ERI3: variants seen among roughly 807,000 people sequenced by gnomAD.
ERI3 encodes ERI1 exoribonuclease family member 3, also known as ERI1 exoribonuclease 3.
ERI3 carries 18 observed loss-of-function variants against 44.4 expected under a neutral mutation model. The ratio of observed to expected loss-of-function variants is 0.41; its 90% CI spans 0.28 to 0.60. ERI3 has a LOEUF of 0.60. Among genes scored for constraint, ERI3 ranks in the 20% least tolerant of loss-of-function variants. ERI3 has a pLI of 0.36. For synonymous variants in ERI3, 183 were observed against 164.8 expected (o/e 1.11, Z -0.84); for missense variants, 294 against 435.5 (o/e 0.68, Z 2.89).
At chr1:44,300,076 G>A (rs1645691807) in intron 6 of ERI3, among the ~76,000 whole-genome samples, 2 of 152,240 alleles carry the variant, frequency 1.3e-5, no homozygotes, top group South Asian at 2.1e-4. Flanking sequence ...ATGGTCAAGG[G>A]GAGAGCCTCA....
At chr1:44,309,324 A>G (rs1398763000) in intron 5 of ERI3, among the ~76,000 whole-genome samples, 1 of 151,708 alleles carries the variant, frequency 6.6e-6, no homozygotes, top group African/African-American at 2.4e-5. Context: ...GAAAAACCCT[A>G]TCCATACTAA....
rs181538887 is a variant in ERI3 at position 44,241,269 on chromosome 1, G to C, written c.931+6670C>G. ...GAGTGAAGGTGGGGAGAGGGGATAA[G>C]GAGGAAAATAAACTGAAATGAAGTC... On this transcript the variant is annotated intron_variant, in intron 8 of 8. Transcript: ENST00000372257. The surrounding 1 kb of genome is among the most constrained non-coding windows in gnomAD (Gnocchi z 5.6). Among the ~76,000 whole-genome samples, 44 of 152,256 alleles carry C rather than the reference G, an allele frequency of 2.9e-4. No individual in the cohort carries two copies. The highest frequency in any genetic ancestry group is 1.0e-3 in the African/African-American group (42 of 41,542).
At chr1:44,329,218 C>T (rs112864325) in intron 3 of ERI3, among the ~76,000 whole-genome samples, 31 of 152,300 alleles carry the variant, frequency 2.0e-4, no homozygotes, top group African/African-American at 7.2e-4. Context: ...TATCTAACTG[C>T]CTCTGGTCCT....
At chr1:44,336,680 C>T (rs1387512839) in intron 3 of ERI3, among the ~76,000 whole-genome samples, 1 of 152,246 alleles carries the variant, frequency 6.6e-6, no homozygotes, top group African/African-American at 2.4e-5. Flanking sequence ...TCTCTGGAAT[C>T]ACAGTAAACT....
intron 6 of ERI3, among the ~76,000 whole-genome samples, chr1:44,285,706 T>C (rs1275858896): frequency 1.3e-5 from 2 of 152,188 alleles, no homozygotes; most frequent in African/African-American, 4.8e-5. Context: ...AAGTAAGATG[T>C]AACTCTTGAC....
At chr1:44,315,220 C>T (rs1039332425) in intron 4 of ERI3, among the ~76,000 whole-genome samples, 1 of 152,200 alleles carries the variant, frequency 6.6e-6, no homozygotes, top group Non-Finnish European at 1.5e-5. Context: ...GTTAGGTCCA[C>T]TCCTTCTCTT....
chr1:44,246,550 T>A (rs1644558372), intron 8 of ERI3, among the ~76,000 whole-genome samples: 1 of 152,168 alleles, frequency 6.6e-6, no homozygotes, highest in Non-Finnish European at 1.5e-5. Context: ...CCTTCAGATG[T>A]CCCAACAAGA....
chr1:44,279,956 G>C (rs1337725294), intron 7 of ERI3, among the ~76,000 whole-genome samples: 3 of 152,024 alleles, frequency 2.0e-5, no homozygotes, highest in Non-Finnish European at 4.4e-5. Context: ...ACTGAACAGG[G>C]CTGGGTAGGA....
chr1:44,280,956 G>C (rs1408277981), intron 7 of ERI3, among the ~76,000 whole-genome samples: 1 of 152,140 alleles, frequency 6.6e-6, no homozygotes, highest in East Asian at 1.9e-4. Flanking sequence ...AGAGCGATGG[G>C]GGTAGAGCAG....
chr1:44,319,163 C>T (rs58064274), intron 4 of ERI3, among the ~76,000 whole-genome samples: 4 of 152,352 alleles, frequency 2.6e-5, no homozygotes, highest in Admixed American at 1.3e-4. Context: ...TCTCTTCCCT[C>T]GGTGACAGAA....
chr1:44,293,251 G>T lies in ERI3; in HGVS notation c.759-8344C>A, dbSNP rs368272255. ...CCCCGCTGTCCTCTCAAACAGGGAG[G>T]AGAGTGCAAGCATGATGCTGGAGGG... On this transcript the variant is annotated intron_variant, in intron 6 of 8. Transcript: ENST00000372257. 1.7e-4 allele frequency among the ~76,000 whole-genome samples: 26 copies of T among 152,388 alleles called. No individual in the cohort carries two copies. The East Asian group carries it at 3.9e-3, about 23-fold the overall frequency.
rs531003077 is a variant in ERI3 at position 44,304,222 on chromosome 1, G to A, written c.758+4088C>T. On this transcript the variant is annotated intron_variant, in intron 6 of 8. Coordinates refer to ENST00000372257, the MANE Select transcript of ERI3 (RefSeq NM_024066.3). ...AGATGAGCCCGATTTCTTTTCTCCAGTTGGAGAAAAAGATTAGAAGACATC... is the reference window on the plus strand; with the variant it reads ...AGATGAGCCCGATTTCTTTTCTCCAATTGGAGAAAAAGATTAGAAGACATC... 3.5e-4 allele frequency among the ~76,000 whole-genome samples: 53 copies of A among 152,230 alleles called. 1 individual carries two copies. In the South Asian group the frequency reaches 0.011, roughly 30 times the overall value.
chr1:44,253,109 G>A (rs1042973032), intron 7 of ERI3, among the ~76,000 whole-genome samples: 2 of 152,200 alleles, frequency 1.3e-5, no homozygotes, highest in African/African-American at 4.8e-5. Flanking sequence ...AAGTCTGGCA[G>A]ACACAAATAC....
intron 2 of ERI3, among the ~76,000 whole-genome samples, chr1:44,339,703 T>C (rs1646612027): frequency 6.6e-6 from 1 of 152,186 alleles, no homozygotes; most frequent in South Asian, 2.1e-4. Flanking sequence ...GGGTCCAAAG[T>C]AACGTGAGGT....
Position 44,349,314 on chromosome 1 carries a change from G to A in ERI3, c.211+3536C>T, listed in dbSNP as rs141819470. On this transcript the variant is annotated intron_variant, in intron 2 of 8. Coordinates refer to ENST00000372257, the MANE Select transcript of ERI3 (RefSeq NM_024066.3). ...ACTACAGGTGTGTGCCACCATGCCT[G>A]GCTAATTTTTTGTATTTTTGTAGAG... is the stretch of plus-strand genomic sequence containing the variant. Among the ~76,000 whole-genome samples, 935 of 152,184 alleles carry A rather than the reference G, an allele frequency of 6.1e-3. 6 individuals are homozygous for A. Among genetic ancestry groups the A allele is most frequent in the African/African-American group, 0.021 (862 of 41,502 alleles).
intron 7 of ERI3, among the ~76,000 whole-genome samples, chr1:44,267,219 A>G (rs1274140032): frequency 6.6e-6 from 1 of 152,196 alleles, no homozygotes; most frequent in Non-Finnish European, 1.5e-5. Flanking sequence ...TGGAAACATA[A>G]GCTACAAGAC....
chr1:44,323,017 C>T (rs1384874443), intron 3 of ERI3: 3 of 1,132,384 alleles, frequency 2.6e-6, no homozygotes, highest in African/African-American at 3.2e-5. Flanking sequence ...TTATTCCTGA[C>T]CCTGACCTTT....
chr1:44,241,043 T>A lies in ERI3; in HGVS notation c.931+6896A>T, dbSNP rs1644422265. 6.6e-6 allele frequency among the ~76,000 whole-genome samples: 1 copy of A among 152,106 alleles called. No individual in the cohort carries two copies. On this transcript the variant is annotated intron_variant, in intron 8 of 8. Transcript: ENST00000372257. This position sits in a 1 kb window ranked among gnomAD's most constrained non-coding sequence, Gnocchi z 5.6. ...AGTGTGGATTGTCCCATGAGTACTG[T>A]GGGCCTGAAAGGAGGGGCTGCTGTG...
At chr1:44,253,839 G>A (rs897904852) in intron 7 of ERI3, among the ~76,000 whole-genome samples, 1 of 152,198 alleles carries the variant, frequency 6.6e-6, no homozygotes, top group Admixed American at 6.5e-5. Context: ...CAACTGCTCT[G>A]ACCATTGTGC....
Sources: allele counts gnomAD v4.1 joint callset (sites outside exome capture counted in the v4.1 genomes callset), GRCh38; gene constraint gnomAD v4.1.1; non-coding constraint Gnocchi (gnomAD v3.1); transcripts MANE v1.5; gene names NCBI Gene and HGNC (gene_info 2026-07-23, HGNC 2026-07-21).